The following FRYL variants were observed in gnomAD, a reference collection of about 807,000 sequenced individuals.
The protein encoded by FRYL is FRY like transcription coactivator, also known as protein furry homolog-like.
In FRYL, 150 loss-of-function variants were observed where a neutral mutation model predicts 351.2. The ratio of observed to expected loss-of-function variants is 0.43; its 90% CI spans 0.37 to 0.49. The LOEUF (loss-of-function observed/expected upper bound fraction) is 0.49, where lower values mean the gene tolerates loss of function less well. FRYL is among the 20% of genes least tolerant of loss of function. The pLI is 0.00. For synonymous variants in FRYL, 1,153 were observed against 1,257.1 expected, an observed-to-expected ratio of 0.92 and a Z score of 1.75; for missense variants, 3,036 against 3,619.3, an observed-to-expected ratio of 0.84 and a Z score of 4.13.
intron 4 of FRYL, among the ~76,000 whole-genome samples, chr4:48,632,156 A>G (rs973720933): frequency 7.1e-5 from 10 of 140,282 alleles, no homozygotes; most frequent in African/African-American, 2.1e-4. Context: ...AAATATATAA[A>G]TATATATATA....
intron 3 of FRYL, among the ~76,000 whole-genome samples, chr4:48,655,963 TATA>T (rs1013812562): frequency 7.2e-6 from 1 of 139,128 alleles, no homozygotes; most frequent in African/African-American, 2.6e-5. Context: ...GTACATTATA[TATA>T]ATGTGCATTA....
intron 9 of FRYL, among the ~76,000 whole-genome samples, chr4:48,607,582 C>T (rs1370084377): frequency 3.9e-5 from 6 of 152,116 alleles, no homozygotes; most frequent in East Asian, 3.8e-4. Flanking sequence ...AAAATACATA[C>T]ACCAAGATTC....
In FRYL at chr4:48,504,134, T is replaced by C. The variant is rs1316327740; in HGVS notation, c.8464-1289A>G. Among the ~76,000 whole-genome samples the C allele has an allele frequency of 4.6e-5, 7 of 152,210 alleles. No individual in the cohort carries two copies. In the South Asian group the frequency reaches 8.3e-4, roughly 18 times the overall value. ...TTGTGGATGAGTGTGTGTGTGTGTA[T>C]ATATATGCACATTTTAAAGTATATT... On this transcript the variant is annotated intron_variant, in intron 60 of 63. Transcript: ENST00000358350.
intron 2 of FRYL, among the ~76,000 whole-genome samples, chr4:48,699,638 C>T (rs1318061853): frequency 6.6e-6 from 1 of 152,206 alleles, no homozygotes; most frequent in Non-Finnish European, 1.5e-5. Flanking sequence ...AGCAGTTTCT[C>T]TATTACAGGG....
intron 1 of FRYL, among the ~76,000 whole-genome samples, chr4:48,717,864 T>C (rs1386378369): frequency 6.6e-6 from 1 of 151,620 alleles, no homozygotes; most frequent in Admixed American, 6.6e-5. Context: ...TTTCAATTGG[T>C]GACTTGCACG....
intron 1 of FRYL, among the ~76,000 whole-genome samples, chr4:48,711,015 A>C (rs1192479097): frequency 6.6e-6 from 1 of 152,270 alleles, no homozygotes; most frequent in Admixed American, 6.5e-5. Flanking sequence ...TGCCATGAAA[A>C]GGAATAAAGT....
intron 4 of FRYL, 89 bp downstream of exon 4, chr4:48,634,198 TCAAG>T: frequency 5.5e-6 from 5 of 914,584 alleles, no homozygotes; most frequent in Admixed American, 2.1e-5. Context: ...AATATTTTTT[TCAAG>T]TATATTATTT....
At chr4:48,501,140 G>A (rs1317234936) in intron 62 of FRYL, among the ~76,000 whole-genome samples, 2 of 151,818 alleles carry the variant, frequency 1.3e-5, no homozygotes, top group African/African-American at 2.4e-5. Context: ...TGTTGAGGGA[G>A]GGGGGTTGAT....
chr4:48,770,082 T>C (rs527777367), intron 1 of FRYL, among the ~76,000 whole-genome samples: 2 of 152,308 alleles, frequency 1.3e-5, no homozygotes, highest in South Asian at 4.1e-4. Flanking sequence ...CACACGCATA[T>C]ACATACAAAT....
intron 3 of FRYL, among the ~76,000 whole-genome samples, chr4:48,683,419 T>TA (rs76907554): frequency 0.013 from 1,803 of 137,476 alleles, 12 homozygotes; most frequent in South Asian, 0.024. Context: ...AAAGTATAAT[T>TA]AAAAAAAAAA....
intron 13 of FRYL, among the ~76,000 whole-genome samples, chr4:48,601,694 T>C (rs941212790): frequency 5.3e-5 from 8 of 152,172 alleles, no homozygotes; most frequent in African/African-American, 1.9e-4. Flanking sequence ...AATAAGTATC[T>C]AGAAGGTTTT....
rs1401702965 is a variant in FRYL, at chr4:48,510,907, G to C, written c.8223C>G (p.Thr2741=). ...TCACTTCCAAGGAACTTTTAAATTT[G>C]GTACCAATGCGTTGCAGACTATCAC... ...FLGDSLQRIG[T]KFKSSLEVMM... Residue 2741 remains threonine, a synonymous_variant, in exon 58 of 64, where the codon ACC becomes ACG. Transcript: ENST00000358350. The C allele has an allele frequency of 1.2e-6, 2 of 1,612,110 alleles. No homozygotes were observed. The highest frequency in any genetic ancestry group is 1.7e-6 in the Non-Finnish European group (2 of 1,178,628).
At chr4:48,563,295 AT>A in intron 31 of FRYL, among the ~76,000 whole-genome samples, 1 of 151,854 alleles carries the variant, frequency 6.6e-6, no homozygotes, top group South Asian at 2.1e-4. Flanking sequence ...AAAAAAAAAA[AT>A]CCATGCATAA....
In FRYL at chr4:48,623,199, ACATT is replaced by A; in HGVS notation, c.121-24_121-21del. The A allele has an allele frequency of 1.2e-5, 15 of 1,276,920 alleles. No individual in the cohort carries two copies. Among genetic ancestry groups the A allele is most frequent in the East Asian group, 2.5e-5 (1 of 39,352 alleles). The allele number at this position is 1,276,920 out of a possible 1,614,324, so 79.1% of individuals were successfully genotyped here. On this transcript the variant is annotated intron_variant, in intron 4 of 63. Coordinates refer to ENST00000358350, the MANE Select transcript of FRYL (RefSeq NM_015030.2). ...CTTCTCCTATGATTAAAAAAAACAA[ACATT>A]AAAAATAAAAATAAAGCACAAATAT...
At chr4:48,700,636 TAA>T (rs995861002) in intron 2 of FRYL, among the ~76,000 whole-genome samples, 1 of 150,246 alleles carries the variant, frequency 6.7e-6, no homozygotes, top group African/African-American at 2.5e-5. Flanking sequence ...ACCCCATCTC[TAA>T]AAAAAATCAA....
chr4:48,547,506 A>G (rs1354359081), intron 41 of FRYL, 78 bp downstream of exon 41: 3 of 729,160 alleles, frequency 4.1e-6, no homozygotes, highest in Non-Finnish European at 6.2e-6. Flanking sequence ...ACTTTTATTC[A>G]GTTGACTTTC....
At chr4:48,696,539 C>T (rs1299095645) in intron 2 of FRYL, among the ~76,000 whole-genome samples, 1 of 151,626 alleles carries the variant, frequency 6.6e-6, no homozygotes, top group Non-Finnish European at 1.5e-5. Flanking sequence ...AGGTGGGGGG[C>T]AAGGAGAGGG....
intron 2 of FRYL, among the ~76,000 whole-genome samples, chr4:48,689,556 A>C (rs1372564995): frequency 6.6e-6 from 1 of 152,216 alleles, no homozygotes; most frequent in Non-Finnish European, 1.5e-5. Flanking sequence ...TATTACTATA[A>C]GTACACCACA....
intron 4 of FRYL, among the ~76,000 whole-genome samples, chr4:48,632,091 A>AATATATATATATATATATATATGTAT (rs1753178523): frequency 1.7e-4 from 4 of 23,392 alleles, no homozygotes; most frequent in Non-Finnish European, 3.8e-4. Flanking sequence ...AAAAAAAAAA[A>AATATATATATATATATATATATGTAT]ATATATATAT....
Sources: allele counts gnomAD v4.1 joint callset (sites outside exome capture counted in the v4.1 genomes callset), GRCh38; gene constraint gnomAD v4.1.1; transcripts MANE v1.5; gene names NCBI Gene and HGNC (gene_info 2026-07-23, HGNC 2026-07-21).